BTD: variants seen among roughly 807,000 people sequenced by gnomAD.
BTD encodes the protein biocytinase.
A neutral mutation model predicts 17.7 loss-of-function variants in BTD; 13 were observed. That is an observed-to-expected ratio of 0.74 (90% confidence interval 0.48 to 1.17). The LOEUF is 1.17. BTD is among the 50% of genes most tolerant of loss of function. BTD has a pLI of 0.00. For synonymous variants in BTD, 240 were observed against 245.2 expected (o/e 0.98, Z 0.20); for missense variants, 674 against 650.4 (o/e 1.04, Z -0.39).
chr3:15,632,160 G>A (rs1575008367), intron 1 of BTD, among the ~76,000 whole-genome samples: 2 of 152,142 alleles, frequency 1.3e-5, no homozygotes, highest in Admixed American at 1.3e-4. Flanking sequence ...CCCTCTCATC[G>A]AGGTCTTCCT....
At chr3:15,696,066 C>T in intron 3 of BTD, 1 of 1,073,586 alleles carries the variant, frequency 9.3e-7, no homozygotes, top group East Asian at 2.6e-5. Flanking sequence ...TCCATTTATT[C>T]TCATTTTTGT....
At chr3:15,672,209 G>A (rs1396434741) in intron 3 of BTD, among the ~76,000 whole-genome samples, 1 of 148,496 alleles carries the variant, frequency 6.7e-6, no homozygotes, top group Non-Finnish European at 1.5e-5. Flanking sequence ...GCAGTATAAT[G>A]ATCATGCTCA....
chr3:15,657,278 C>T (rs140632020), downstream of BTD, among the ~76,000 whole-genome samples: 3 of 152,306 alleles, frequency 2.0e-5, no homozygotes, highest in East Asian at 5.8e-4. Flanking sequence ...GCCCACTCAT[C>T]AGTGGGAGGA....
chr3:15,645,822 A>C lies in BTD; in HGVS notation c.*334A>C. 1 of 221,472 alleles carries C rather than the reference A, an allele frequency of 4.5e-6. No homozygotes were observed. Among genetic ancestry groups the C allele is most frequent in the Non-Finnish European group, 8.9e-6 (1 of 112,684 alleles). The allele number at this position is 221,472 out of a possible 1,614,324, so 13.7% of individuals were successfully genotyped here. A position where few individuals can be genotyped will look rare whatever the true frequency, so the allele number is the denominator to read the frequency against. On this transcript the variant is annotated 3_prime_UTR_variant, in exon 4 of 4. Transcript: ENST00000643237. ...CAGTTTATATTTTACACATCCACAA[A>C]GCAGTGGCTTGGGGTTTTTTTTTTT...
At chr3:15,664,785 G>A (rs1342861803) in intron 3 of BTD, among the ~76,000 whole-genome samples, 2 of 152,058 alleles carry the variant, frequency 1.3e-5, no homozygotes, top group African/African-American at 4.8e-5. Flanking sequence ...AGAAATATAA[G>A]ATTAAATTAC....
intron 3 of BTD, among the ~76,000 whole-genome samples, chr3:15,702,894 G>A (rs1334489677): frequency 6.7e-6 from 1 of 150,034 alleles, no homozygotes; most frequent in Non-Finnish European, 1.5e-5. Context: ...ATTAGGATAC[G>A]TCAGAACTGT....
intron 3 of BTD, among the ~76,000 whole-genome samples, chr3:15,697,605 T>C (rs957575879): frequency 6.6e-6 from 1 of 151,782 alleles, no homozygotes; most frequent in African/African-American, 2.4e-5. Context: ...TGAAGCCGAG[T>C]TGATTGTGGT....
chr3:15,605,557 C>T (rs1323438387), intron 1 of BTD, among the ~76,000 whole-genome samples: 1 of 152,096 alleles, frequency 6.6e-6, no homozygotes, highest in East Asian at 1.9e-4. Context: ...TTGTATTATA[C>T]TCTAGAATGT....
intron 1 of BTD, among the ~76,000 whole-genome samples, chr3:15,624,053 A>G (rs2065014893): frequency 6.6e-6 from 1 of 152,216 alleles, no homozygotes; most frequent in South Asian, 2.1e-4. Flanking sequence ...CTTATTGTTT[A>G]CATGATTTCT....
At chr3:15,601,949 A>C in intron 1 of BTD, 55 bp downstream of exon 1, 1 of 1,599,636 alleles carries the variant, frequency 6.3e-7, no homozygotes, top group South Asian at 1.1e-5. Context: ...CGTGCGGTCC[A>C]GACCCCGCCC....
chr3:15,642,365 C>A (rs2065536627), intron 3 of BTD: 2 of 884,984 alleles, frequency 2.3e-6, no homozygotes, highest in East Asian at 2.7e-5. Context: ...CACCTCATCC[C>A]ATGCCCTTGC....
At chr3:15,628,945 A>C (rs988014117) in intron 1 of BTD, among the ~76,000 whole-genome samples, 2 of 152,226 alleles carry the variant, frequency 1.3e-5, no homozygotes, top group African/African-American at 4.8e-5. Flanking sequence ...AGTAAAAACC[A>C]ATAACAACCT....
At chr3:15,612,746 G>C (rs572135741) in intron 1 of BTD, among the ~76,000 whole-genome samples, 1 of 148,000 alleles carries the variant, frequency 6.8e-6, no homozygotes, top group Non-Finnish European at 1.5e-5. Context: ...TTTACCCTAC[G>C]ACCTATTCAG....
rs984207486 is a variant in BTD at position 15,631,586 on chromosome 3, T to C, written c.-16-3838T>C. 1.7e-5 allele frequency: 19 copies of C among 1,145,604 alleles called. No individual in the cohort carries two copies. In the Admixed American group the frequency reaches 2.0e-4, roughly 12 times the overall value. 71.0% of individuals were successfully genotyped at this position (1,145,604 alleles called of 1,614,324 possible). A position where few individuals can be genotyped will look rare whatever the true frequency, so the allele number is the denominator to read the frequency against. On this transcript the variant is annotated intron_variant, in intron 1 of 3. Coordinates refer to ENST00000643237, the MANE Select transcript of BTD (RefSeq NM_001370658.1). The stretch of plus-strand genomic sequence containing the variant: ...TAGATTTCCATGTAATTGAGACTGA[T>C]TTTTCCTATTAGATGGAAAGAACCT...
downstream of BTD, among the ~76,000 whole-genome samples, chr3:15,655,943 C>T (rs571034071): frequency 6.6e-6 from 1 of 152,270 alleles, no homozygotes; most frequent in African/African-American, 2.4e-5. Context: ...GCTGGGATTA[C>T]AGGCTCCTGC....
Position 15,644,566 on chromosome 3 carries a change from C to A in BTD, c.650C>A (p.Ala217Asp). The A allele has an allele frequency of 6.2e-7, 1 of 1,614,180 alleles. No homozygotes were observed. Among genetic ancestry groups the A allele is most frequent in the Non-Finnish European group, 8.5e-7 (1 of 1,180,032 alleles). ...VDLITFDTPF[A>D]GRFGIFTCFD... ...CTCATCACCTTTGATACCCCCTTTG[C>A]TGGCAGGTTTGGCATCTTCACATGC... Residue 217 changes from alanine to aspartate, a missense_variant, in exon 4 of 4, where the codon GCT (alanine) becomes GAT (aspartate). Ala to Asp is a moderately radical substitution (Grantham distance 126, BLOSUM62 -2). Transcript: ENST00000643237.
At chr3:15,619,677 A>T (rs977654077) in intron 1 of BTD, among the ~76,000 whole-genome samples, 5 of 152,228 alleles carry the variant, frequency 3.3e-5, no homozygotes, top group Admixed American at 1.3e-4. Flanking sequence ...TTTATGAGAG[A>T]TATTGCTCTG....
rs370687019 is a variant in BTD at position 15,642,047 on chromosome 3, A to G, written c.389A>G (p.Asn130Ser). The G allele has an allele frequency of 1.1e-5, 18 of 1,614,060 alleles. No individual in the cohort carries two copies. The highest frequency in any genetic ancestry group is 1.4e-5 in the Non-Finnish European group (17 of 1,180,042). Residue 130 changes from asparagine (N) to serine (S), a missense_variant, in exon 3 of 4, where the codon AAT (asparagine) becomes AGT (serine). Asn to Ser is a conservative substitution (Grantham distance 46, BLOSUM62 1). Coordinates refer to ENST00000643237, the MANE Select transcript of BTD (RefSeq NM_001370658.1). The stretch of plus-strand genomic sequence containing the variant: ...CCATGCCTGGAGCCTCACCGCTTCA[A>G]TGACACAGAGGTGATTCCTGCCTTT... ...WNPCLEPHRFNDTEVLQRLSC... is the reference protein window; with the variant it reads ...WNPCLEPHRFSDTEVLQRLSC...
At chr3:15,639,588 G>A (rs987134155) in intron 2 of BTD, among the ~76,000 whole-genome samples, 1 of 152,138 alleles carries the variant, frequency 6.6e-6, no homozygotes, top group Non-Finnish European at 1.5e-5. Flanking sequence ...TCAAACGGTG[G>A]TACATTCTCC....
Sources: gnomAD v4.1 joint callset for allele counts (sites outside exome capture counted in the v4.1 genomes callset) on GRCh38, gnomAD v4.1.1 for gene constraint, MANE v1.5 for transcripts, NCBI Gene and HGNC (gene_info 2026-07-23, HGNC 2026-07-21) for gene names.